Variants in SYN3 observed in about 807,000 individuals in gnomAD.
SYN3 encodes synapsin III.
In SYN3, 35 loss-of-function variants were observed where a neutral mutation model predicts 65.8. The ratio of observed to expected loss-of-function variants is 0.53; its 90% CI spans 0.41 to 0.70. SYN3 has a LOEUF of 0.70. Ranked by LOEUF, SYN3 falls within the 30% of genes least tolerant of loss-of-function variation. SYN3 has a pLI of 0.00. For synonymous variants in SYN3, 270 were observed against 292.9 expected (o/e 0.92, Z 0.80); for missense variants, 680 against 749.0 (o/e 0.91, Z 1.08).
intron 6 of SYN3, among the ~76,000 whole-genome samples, chr22:32,835,421 C>T (rs2047702544): frequency 6.6e-6 from 1 of 152,108 alleles, no homozygotes; most frequent in South Asian, 2.1e-4. Flanking sequence ...TACATACACA[C>T]TAGGGCCCCT....
At chr22:33,029,642 G>A (rs1301998302) in intron 1 of SYN3, among the ~76,000 whole-genome samples, 1 of 152,162 alleles carries the variant, frequency 6.6e-6, no homozygotes. Context: ...GGACATTGAA[G>A]CCCAAAATGA....
intron 6 of SYN3, among the ~76,000 whole-genome samples, chr22:32,604,532 CGCTG>C (rs1569083065): frequency 4.2e-4 from 47 of 112,664 alleles, no homozygotes; most frequent in African/African-American, 1.6e-3. Flanking sequence ...CTCATGTCTC[CGCTG>C]AGATACCCTC....
At chr22:32,553,396 C>A (rs135484) in intron 7 of SYN3, among the ~76,000 whole-genome samples, 50,604 of 151,978 alleles carry the variant, frequency 0.33, 8,776 homozygotes, top group East Asian at 0.6. Context: ...TAAAAGATAT[C>A]AAAAGGAAAT....
intron 5 of SYN3, among the ~76,000 whole-genome samples, chr22:32,866,725 G>A (rs930460070): frequency 9.2e-5 from 14 of 152,272 alleles, no homozygotes; most frequent in African/African-American, 2.6e-4. Flanking sequence ...AGTGGCACTC[G>A]AAAATCTTGG....
chr22:32,508,366 C>T lies in SYN3; in HGVS notation c.*5326G>A, dbSNP rs1234253462. 2.0e-5 allele frequency among the ~76,000 whole-genome samples: 3 copies of T among 152,156 alleles called. No individual in the cohort carries two copies. Among genetic ancestry groups the T allele is most frequent in the African/African-American group, 7.2e-5 (3 of 41,436 alleles). On this transcript the variant is annotated 3_prime_UTR_variant, in exon 14 of 14. Coordinates refer to ENST00000358763, the MANE Select transcript of SYN3 (RefSeq NM_003490.4). ...GTAATTTTCCATTACCTTCCCAAATCCTATAAAACGGCCCCATCCCTACTC... is the reference window on the plus strand; with the variant it reads ...GTAATTTTCCATTACCTTCCCAAATTCTATAAAACGGCCCCATCCCTACTC...
At chr22:33,056,409 T>C (rs2054254466) in intron 1 of SYN3, among the ~76,000 whole-genome samples, 1 of 152,216 alleles carries the variant, frequency 6.6e-6, no homozygotes, top group Non-Finnish European at 1.5e-5. Flanking sequence ...GACTTCCCCA[T>C]GTCCAGCTGC....
chr22:32,598,064 T>A (rs1025298695), intron 6 of SYN3, among the ~76,000 whole-genome samples: 2 of 152,218 alleles, frequency 1.3e-5, no homozygotes, highest in African/African-American at 4.8e-5. Context: ...AGTTATGTAC[T>A]AATAACATAA....
intron 6 of SYN3, among the ~76,000 whole-genome samples, chr22:32,778,426 T>G (rs5754277): frequency 0.57 from 86,512 of 151,742 alleles, 25,202 homozygotes; most frequent in African/African-American, 0.7. Flanking sequence ...GTAGCTGGGA[T>G]CACAGGCACA....
chr22:32,943,182 A>T (rs1026200430), intron 3 of SYN3, among the ~76,000 whole-genome samples: 1 of 152,236 alleles, frequency 6.6e-6, no homozygotes, highest in African/African-American at 2.4e-5. Flanking sequence ...AAAAATGTCA[A>T]GGGCAGCCAG....
chr22:32,701,813 G>A (rs936315353), intron 6 of SYN3, among the ~76,000 whole-genome samples: 4 of 151,942 alleles, frequency 2.6e-5, no homozygotes, highest in African/African-American at 9.7e-5. Context: ...ATGTGTTATT[G>A]GAATCCCAGA....
At chr22:32,898,026 G>A (rs556456098) in intron 4 of SYN3, among the ~76,000 whole-genome samples, 11 of 151,302 alleles carry the variant, frequency 7.3e-5, no homozygotes, top group South Asian at 2.1e-4. Flanking sequence ...ACAGAGTTTC[G>A]CTCTTGTTGC....
intron 7 of SYN3, among the ~76,000 whole-genome samples, chr22:32,593,518 G>A (rs1003686680): frequency 1.3e-5 from 2 of 152,158 alleles, no homozygotes; most frequent in African/African-American, 2.4e-5. Context: ...ACATGGAGGA[G>A]GGGGAGATGA....
At position 33,044,216 on chromosome 22, in the gene SYN3, C is replaced by T. The variant is rs969917521; in HGVS notation, c.-163+14076G>A. The stretch of plus-strand genomic sequence containing the variant: ...TGTGAGCTTCAACGCAGGCCCAAAG[C>T]GGTACTAGGTACAGTGCGTTCTTCC... On this transcript the variant is annotated intron_variant, in intron 1 of 13. Coordinates refer to ENST00000358763, the MANE Select transcript of SYN3 (RefSeq NM_003490.4). Among the ~76,000 whole-genome samples the T allele has an allele frequency of 1.2e-4, 18 of 152,314 alleles. No homozygotes were observed. In the East Asian group the frequency reaches 2.7e-3, roughly 23 times the overall value.
intron 7 of SYN3, among the ~76,000 whole-genome samples, chr22:32,556,804 G>GTTTTTTTTTT (rs1555895619): frequency 1.1e-4 from 5 of 43,880 alleles, no homozygotes; most frequent in African/African-American, 1.7e-4. Flanking sequence ...AGGTTTCCTG[G>GTTTTTTTTTT]TTTTTTTTTT....
At chr22:32,830,425 G>C (rs1377498195) in intron 6 of SYN3, among the ~76,000 whole-genome samples, 1 of 152,178 alleles carries the variant, frequency 6.6e-6, no homozygotes, top group African/African-American at 2.4e-5. Context: ...GGAGGAGCTG[G>C]AGCTGAGATT....
At position 32,593,187 on chromosome 22, in the gene SYN3, G is replaced by A. The variant is rs188791925; in HGVS notation, c.774+3487C>T. Reference sequence around the variant, plus strand: ...AGTTTTCTCATTCCAAACATAAGGAGAAAAGTCCTTTTCCCTTGATCTCAG... The same window carrying A: ...AGTTTTCTCATTCCAAACATAAGGAAAAAAGTCCTTTTCCCTTGATCTCAG... On this transcript the variant is annotated intron_variant, in intron 7 of 13. Coordinates refer to ENST00000358763, the MANE Select transcript of SYN3 (RefSeq NM_003490.4). Among the ~76,000 whole-genome samples, 65 of 151,924 alleles carry A rather than the reference G, an allele frequency of 4.3e-4. No homozygotes were observed. In the East Asian group the frequency reaches 9.3e-3, roughly 22 times the overall value.
At chr22:32,896,287 T>C (rs966323326) in intron 4 of SYN3, among the ~76,000 whole-genome samples, 1 of 152,050 alleles carries the variant, frequency 6.6e-6, no homozygotes, top group Non-Finnish European at 1.5e-5. Flanking sequence ...AAACCCCGAC[T>C]CTACTGAAAA....
chr22:32,999,397 G>A (rs1240331415), intron 2 of SYN3, among the ~76,000 whole-genome samples: 1 of 152,104 alleles, frequency 6.6e-6, no homozygotes, highest in African/African-American at 2.4e-5. Context: ...AGAATAAACA[G>A]GACAGGGCCA....
intron 4 of SYN3, among the ~76,000 whole-genome samples, chr22:32,914,983 G>A (rs2050150867): frequency 1.3e-5 from 2 of 152,178 alleles, no homozygotes; most frequent in Admixed American, 6.5e-5. Context: ...CTTGACCTCT[G>A]CCTTCAGGGA....
Sources: gnomAD v4.1 joint callset for allele counts (sites outside exome capture counted in the v4.1 genomes callset) on GRCh38, gnomAD v4.1.1 for gene constraint, MANE v1.5 for transcripts, NCBI Gene and HGNC (gene_info 2026-07-23, HGNC 2026-07-21) for gene names.